SND1: variants seen among roughly 807,000 people sequenced by gnomAD.
The protein encoded by SND1 is staphylococcal nuclease and tudor domain containing 1.
SND1 carries 38 observed loss-of-function variants against 121.7 expected under a neutral mutation model. The observed-to-expected ratio is 0.31, with a 90% CI of 0.24 to 0.41. The LOEUF is 0.41. SND1 is among the 10% of genes least tolerant of loss of function. SND1 has a pLI of 1.00. For missense variants in SND1, 868 were observed against 1,184.6 expected (o/e 0.73, Z 3.92); for synonymous variants, 401 against 447.4 (o/e 0.90, Z 1.31).
At chr7:128,003,482 T>C (rs1480301563) in intron 16 of SND1, among the ~76,000 whole-genome samples, 1 of 152,198 alleles carries the variant, frequency 6.6e-6, no homozygotes, top group Non-Finnish European at 1.5e-5. Flanking sequence ...TGGCATTGGG[T>C]GTACAGCTAG....
rs539628309 is a variant in SND1 at position 128,085,874 on chromosome 7, A to G, written c.2304+94A>G. ...ATCTCTCCAAGGTCCCTCTGAGCTT[A>G]CCAATAGAACAATGAGCATTGGGGC... On this transcript the variant is annotated intron_variant, in intron 20 of 23. Coordinates refer to ENST00000354725, the MANE Select transcript of SND1 (RefSeq NM_014390.4). The surrounding 1 kb of genome is among the most constrained non-coding windows in gnomAD (Gnocchi z 4.4). 8.7e-5 allele frequency: 94 copies of G among 1,075,494 alleles called. No homozygotes were observed. Among genetic ancestry groups the G allele is most frequent in the Admixed American group, 7.1e-4 (40 of 56,150 alleles). 66.6% of individuals were successfully genotyped at this position (1,075,494 alleles called of 1,614,324 possible). A position where few individuals can be genotyped will look rare whatever the true frequency, so the allele number is the denominator to read the frequency against.
intron 1 of SND1, among the ~76,000 whole-genome samples, chr7:127,658,908 A>G (rs539995601): frequency 9.4e-4 from 143 of 152,338 alleles, no homozygotes; most frequent in African/African-American, 3.4e-3. Context: ...CCTGTTGTCC[A>G]CTCACTTCTC....
At chr7:128,080,724 T>C (rs560034170) in intron 17 of SND1, among the ~76,000 whole-genome samples, 8 of 152,314 alleles carry the variant, frequency 5.3e-5, no homozygotes, top group Middle Eastern at 6.8e-3. Context: ...GCCTGGGATC[T>C]GGTTTTGCTC....
intron 13 of SND1, among the ~76,000 whole-genome samples, chr7:127,891,938 A>G (rs1800015884): frequency 6.6e-6 from 1 of 152,140 alleles, no homozygotes; most frequent in Admixed American, 6.6e-5. Context: ...ATTCGTTCTG[A>G]CACTCTTTAG....
At chr7:127,821,388 G>A (rs1798544631) in intron 11 of SND1, among the ~76,000 whole-genome samples, 1 of 152,134 alleles carries the variant, frequency 6.6e-6, no homozygotes, top group Admixed American at 6.5e-5. Context: ...GTTTTCCTTG[G>A]ATGACCCAGC....
chr7:127,816,047 A>G (rs1798432946), intron 11 of SND1, among the ~76,000 whole-genome samples: 1 of 152,112 alleles, frequency 6.6e-6, no homozygotes, highest in African/African-American at 2.4e-5. Context: ...AGGAATTGAT[A>G]CACCCAAGCA....
chr7:127,799,938 C>A (rs944172943), intron 10 of SND1, among the ~76,000 whole-genome samples: 1 of 152,150 alleles, frequency 6.6e-6, no homozygotes, highest in Non-Finnish European at 1.5e-5. Context: ...GCCAGGTGGT[C>A]ACAATTTTAA....
intron 17 of SND1, among the ~76,000 whole-genome samples, chr7:128,076,261 C>A (rs1414434328): frequency 1.2e-4 from 18 of 152,218 alleles, no homozygotes. Flanking sequence ...ATTTACTGCA[C>A]AGTGGGTTTG....
At chr7:127,750,058 C>T (rs1288303297) in intron 10 of SND1, among the ~76,000 whole-genome samples, 1 of 152,178 alleles carries the variant, frequency 6.6e-6, no homozygotes, top group Non-Finnish European at 1.5e-5. Flanking sequence ...CATAATCATG[C>T]TACTGCACTC....
At chr7:128,056,557 G>T (rs1793144976) in intron 16 of SND1, among the ~76,000 whole-genome samples, 1 of 152,168 alleles carries the variant, frequency 6.6e-6, no homozygotes, top group Admixed American at 6.5e-5. Flanking sequence ...TCTACTGTGT[G>T]TCAGGCGCCA....
At chr7:127,681,144 A>G (rs537390791) in intron 1 of SND1, among the ~76,000 whole-genome samples, 15 of 152,120 alleles carry the variant, frequency 9.9e-5, no homozygotes, top group Non-Finnish European at 1.8e-4. Context: ...GTTTTTACAC[A>G]TCCTTGTCAA....
intron 15 of SND1, among the ~76,000 whole-genome samples, chr7:127,985,776 A>T (rs1584716982): frequency 6.6e-6 from 1 of 152,346 alleles, no homozygotes; most frequent in South Asian, 2.1e-4. Context: ...AATGGAGAGT[A>T]GAGGTCTGCT....
At chr7:127,870,390 A>G (rs554067860) in intron 12 of SND1, among the ~76,000 whole-genome samples, 1 of 152,316 alleles carries the variant, frequency 6.6e-6, no homozygotes, top group East Asian at 1.9e-4. Flanking sequence ...ACAGCCATGC[A>G]TTACTTAACA....
At position 127,796,597 on chromosome 7, in the gene SND1, A is replaced by G. The variant is rs543398773; in HGVS notation, c.1153-10887A>G. 2.0e-4 allele frequency among the ~76,000 whole-genome samples: 30 copies of G among 152,326 alleles called. No individual in the cohort carries two copies. In the South Asian group the frequency reaches 4.3e-3, roughly 22 times the overall value. On this transcript the variant is annotated intron_variant, in intron 10 of 23. Transcript: ENST00000354725. ...TACAAGGCAGAAAGTGATTAGTGCT[A>G]TAACTTTGGCTTATCTCGTCTTCTG...
chr7:127,903,957 G>A (rs1389181074), intron 13 of SND1, among the ~76,000 whole-genome samples: 1 of 152,198 alleles, frequency 6.6e-6, no homozygotes, highest in Non-Finnish European at 1.5e-5. Context: ...GATGTCTGCA[G>A]GCTGGCAGTA....
At chr7:128,046,555 G>C (rs1014888006) in intron 16 of SND1, among the ~76,000 whole-genome samples, 1 of 151,710 alleles carries the variant, frequency 6.6e-6, no homozygotes, top group Non-Finnish European at 1.5e-5. Context: ...GTAGACATGG[G>C]GTGTCAGCAT....
intron 16 of SND1, among the ~76,000 whole-genome samples, chr7:128,051,924 A>T (rs1205089688): frequency 6.6e-6 from 1 of 152,246 alleles, no homozygotes; most frequent in Non-Finnish European, 1.5e-5. Context: ...GTAAATAAAA[A>T]AAATGGATCA....
intron 15 of SND1, among the ~76,000 whole-genome samples, chr7:127,931,219 G>T (rs1196341119): frequency 1.3e-5 from 2 of 152,156 alleles, no homozygotes; most frequent in Admixed American, 6.5e-5. Context: ...GCAACATAAT[G>T]AGACCCTGTC....
At chr7:127,665,336 G>A (rs1795395970) in intron 1 of SND1, among the ~76,000 whole-genome samples, 1 of 151,856 alleles carries the variant, frequency 6.6e-6, no homozygotes, top group Non-Finnish European at 1.5e-5. Context: ...ACAGGCGCCC[G>A]CCACCACGCC....
Sources: allele counts gnomAD v4.1 joint callset (sites outside exome capture counted in the v4.1 genomes callset), GRCh38; gene constraint gnomAD v4.1.1; non-coding constraint Gnocchi (gnomAD v3.1); transcripts MANE v1.5; gene names NCBI Gene and HGNC (gene_info 2026-07-23, HGNC 2026-07-21).